Variants in MYO1F observed in about 807,000 individuals in gnomAD.
MYO1F encodes unconventional myosin-If.
Under a neutral mutation model 146.6 loss-of-function variants are expected in MYO1F, and 60 were observed. The ratio of observed to expected loss-of-function variants is 0.41; its 90% CI spans 0.33 to 0.51. The LOEUF (loss-of-function observed/expected upper bound fraction) is 0.51. Ranked by LOEUF, MYO1F falls within the 20% of genes least tolerant of loss-of-function variation. The pLI is 0.25. For synonymous variants in MYO1F, 602 were observed against 602.1 expected (o/e 1.00, Z 0.00); for missense variants, 1,274 against 1,534.3 (o/e 0.83, Z 2.83).
Position 8,536,513 on chromosome 19 carries a change from G to A in MYO1F, c.1884C>T (p.Ala628=). The change falls in exon 18 of 28, where the codon GCC becomes GCT. Residue 628 remains alanine, a synonymous_variant. Coordinates refer to ENST00000644032, the MANE Select transcript of MYO1F (RefSeq NM_012335.4). ...GGGCTCCTCACCTCTGCAGGAATTT[G>A]GCGAACTGGCGGCGGTAGGCGAAGC... The part of the protein sequence containing the change: ...RAGFAYRRQF[A]KFLQRYAILT... 1.9e-6 allele frequency: 3 copies of A among 1,613,348 alleles called. No homozygotes were observed. The highest frequency in any genetic ancestry group is 2.5e-6 in the Non-Finnish European group (3 of 1,179,854).
At chr19:8,550,131 C>T in intron 10 of MYO1F, 29 bp downstream of exon 10, 1 of 1,611,492 alleles carries the variant, frequency 6.2e-7, no homozygotes, top group Non-Finnish European at 8.5e-7. Context: ...AGAGCATCCA[C>T]TCTGCCTTCC....
intron 19 of MYO1F, 93 bp downstream of exon 19, chr19:8,536,159 C>G: frequency 6.9e-7 from 1 of 1,446,152 alleles, no homozygotes; most frequent in Non-Finnish European, 9.4e-7. Context: ...CAATCTCTGT[C>G]TCCCTCTGTC....
chr19:8,560,347 TGGG>T (rs1974035284), intron 1 of MYO1F, among the ~76,000 whole-genome samples: 1 of 151,402 alleles, frequency 6.6e-6, no homozygotes, highest in Non-Finnish European at 1.5e-5. Flanking sequence ...TAGCCGGGTG[TGGG>T]GGTGCGCGCC....
At chr19:8,532,903 TACAC>T (rs60799506) in intron 19 of MYO1F, among the ~76,000 whole-genome samples, 29,904 of 112,864 alleles carry the variant, frequency 0.26, 4,218 homozygotes, top group East Asian at 0.48. Flanking sequence ...AAAAAAAAAA[TACAC>T]ACACACACAC....
intron 1 of MYO1F, among the ~76,000 whole-genome samples, chr19:8,556,153 C>T (rs71399862): frequency 1.7e-4 from 26 of 151,542 alleles, no homozygotes; most frequent in African/African-American, 5.1e-4. Context: ...CTCAGCCTCC[C>T]GAGTAGCTGG....
chr19:8,529,974 T>C (rs1972413448), intron 21 of MYO1F: 1 of 653,640 alleles, frequency 1.5e-6, no homozygotes, highest in Non-Finnish European at 2.7e-6. Flanking sequence ...TGGACAGGTG[T>C]GTCTGTGCCA....
chr19:8,523,322 C>T (rs190637191), intron 25 of MYO1F, among the ~76,000 whole-genome samples: 125 of 151,624 alleles, frequency 8.2e-4, no homozygotes, highest in African/African-American at 2.7e-3. Context: ...CATGAGCCAC[C>T]GCGCCTGGCC....
At chr19:8,527,575 G>T in intron 21 of MYO1F, 92 bp from the exon 22 acceptor site, 1 of 1,528,656 alleles carries the variant, frequency 6.5e-7, no homozygotes, top group South Asian at 1.2e-5. Context: ...GTGCTGGCAG[G>T]TCAGGTGAGG....
At chr19:8,560,422 T>C (rs2145945577) in intron 1 of MYO1F, among the ~76,000 whole-genome samples, 1 of 150,976 alleles carries the variant, frequency 6.6e-6, no homozygotes, top group East Asian at 2.0e-4. Context: ...GAGGCAGAGG[T>C]TGCAGTGAGC....
intron 1 of MYO1F, among the ~76,000 whole-genome samples, chr19:8,568,736 C>T (rs1177695002): frequency 6.6e-6 from 1 of 152,080 alleles, no homozygotes; most frequent in Non-Finnish European, 1.5e-5. Flanking sequence ...GCCTGGCCAA[C>T]ATGGTGAAAC....
chr19:8,574,577 T>TTCTTTCTCTCTCTC (rs1335184271), intron 1 of MYO1F, among the ~76,000 whole-genome samples: 12 of 79,790 alleles, frequency 1.5e-4, no homozygotes, highest in African/African-American at 3.4e-4. Flanking sequence ...CTTTCTTTCT[T>TTCTTTCTCTCTCTC]TCTCTCTCTC....
At chr19:8,540,156 G>A in intron 15 of MYO1F, 128 bp from the exon 16 acceptor site, 1 of 675,284 alleles carries the variant, frequency 1.5e-6, no homozygotes, top group Non-Finnish European at 2.5e-6. Flanking sequence ...GGGGAGCTGT[G>A]ATGGGTGAGA....
At chr19:8,526,689 G>T (rs1415092030) in intron 23 of MYO1F, 88 bp from the exon 24 acceptor site, 8 of 1,533,346 alleles carry the variant, frequency 5.2e-6, no homozygotes, top group Non-Finnish European at 7.0e-6. Flanking sequence ...GCGGGGCCGC[G>T]GCCGGGGCCG....
chr19:8,568,487 C>G (rs1383217709), intron 1 of MYO1F, among the ~76,000 whole-genome samples: 1 of 147,862 alleles, frequency 6.8e-6, no homozygotes, highest in Non-Finnish European at 1.5e-5. Flanking sequence ...GAGGGTTTTG[C>G]TCAAGTGAAT....
chr19:8,571,359 G>C (rs539229901), intron 1 of MYO1F, among the ~76,000 whole-genome samples: 3 of 152,098 alleles, frequency 2.0e-5, no homozygotes, highest in South Asian at 4.2e-4. Context: ...ACCTCCAAAG[G>C]CTCCATCCCT....
At chr19:8,556,808 A>G (rs1412709209) in intron 1 of MYO1F, among the ~76,000 whole-genome samples, 1 of 149,600 alleles carries the variant, frequency 6.7e-6, no homozygotes, top group East Asian at 2.0e-4. Context: ...AATCGCTTGA[A>G]CCTGGGAGAC....
chr19:8,569,119 T>C (rs964185900), intron 1 of MYO1F, among the ~76,000 whole-genome samples: 2 of 152,016 alleles, frequency 1.3e-5, no homozygotes, highest in Non-Finnish European at 2.9e-5. Context: ...AATGAATGAA[T>C]GAAGTCCTAT....
intron 1 of MYO1F, among the ~76,000 whole-genome samples, chr19:8,574,150 A>C (rs2042160448): frequency 6.6e-6 from 1 of 152,026 alleles, no homozygotes; most frequent in Non-Finnish European, 1.5e-5. Flanking sequence ...CCACCAACGA[A>C]CAACATTAAA....
At chr19:8,566,084 A>G (rs970269818) in intron 1 of MYO1F, among the ~76,000 whole-genome samples, 1 of 149,762 alleles carries the variant, frequency 6.7e-6, no homozygotes, top group Non-Finnish European at 1.5e-5. Flanking sequence ...TCCAGCCTGG[A>G]TGACAGACGA....
Sources: allele counts gnomAD v4.1 joint callset (sites outside exome capture counted in the v4.1 genomes callset), GRCh38; gene constraint gnomAD v4.1.1; transcripts MANE v1.5; gene names NCBI Gene and HGNC (gene_info 2026-07-23, HGNC 2026-07-21).